The following SYMPK variants were observed in gnomAD, a reference collection of about 807,000 sequenced individuals.
SYMPK encodes symplekin scaffold protein, also known as symplekin.
Under a neutral mutation model 136.4 loss-of-function variants are expected in SYMPK, and 49 were observed. The observed-to-expected ratio is 0.36, with a 90% CI of 0.29 to 0.46. SYMPK has a LOEUF of 0.46. Among genes scored for constraint, SYMPK ranks in the 20% least tolerant of loss-of-function variants. The probability of loss-of-function intolerance (pLI) is 1.00; values close to 1 mark genes in which losing one functional copy is unlikely to be tolerated. For missense variants in SYMPK, 1,365 were observed against 1,690.0 expected (o/e 0.81, Z 3.37); for synonymous variants, 766 against 713.0 (o/e 1.07, Z -1.19).
Position 45,816,116 on chromosome 19 carries a change from A to G in SYMPK, c.3422T>C (p.Leu1141Pro). The change falls in exon 26 of 27, where the codon CTG becomes CCG. Residue 1141 changes from leucine to proline, a missense_variant. Transcript: ENST00000245934. ...TAAGGCCTTCTCCTGGGCCAGTCGC[A>G]GGCCGATGAGGTCCTGAGGGGGCCG... ...APRPPQDLIG[L>P]RLAQEKALKR... is the part of the protein sequence containing the mutation. The G allele has an allele frequency of 3.2e-6, 5 of 1,554,878 alleles. No individual in the cohort carries two copies. Among genetic ancestry groups the G allele is most frequent in the Non-Finnish European group, 4.4e-6 (5 of 1,148,934 alleles).
At chr19:45,839,665 C>T (rs1036632558) in intron 9 of SYMPK, among the ~76,000 whole-genome samples, 1 of 151,898 alleles carries the variant, frequency 6.6e-6, no homozygotes, top group African/African-American at 2.4e-5. Context: ...CCCGTCTCTA[C>T]TAAAAAAAAT....
At chr19:45,826,914 A>G (rs1329186417) in intron 16 of SYMPK, among the ~76,000 whole-genome samples, 3 of 152,278 alleles carry the variant, frequency 2.0e-5, no homozygotes, top group African/African-American at 7.2e-5. Context: ...GGCGCTCTCA[A>G]CCACAGCACG....
rs749959995 is a variant in SYMPK at position 45,830,191 on chromosome 19, C to T, written c.1612G>A (p.Gly538Ser). 3 of 1,609,950 alleles carry T rather than the reference C, an allele frequency of 1.9e-6. No individual in the cohort carries two copies. The highest frequency in any genetic ancestry group is 2.5e-6 in the Non-Finnish European group (3 of 1,177,956). ...PVTQPRLAGA[G>S]GRKKIFRLSD... ...AGACGGAAAATTTTCTTGCGCCCACCAGCGCCTGCCAGCCTGTGTGGAAGA... is the reference window on the plus strand; with the variant it reads ...AGACGGAAAATTTTCTTGCGCCCACTAGCGCCTGCCAGCCTGTGTGGAAGA... The change falls in exon 13 of 27, where the codon GGT becomes AGT. Residue 538 changes from glycine (G) to serine (S), a missense_variant. Transcript: ENST00000245934.
intron 1 of SYMPK, among the ~76,000 whole-genome samples, chr19:45,861,335 T>C (rs918294274): frequency 6.6e-6 from 1 of 152,196 alleles, no homozygotes; most frequent in Non-Finnish European, 1.5e-5. Flanking sequence ...TGTTCTTTTT[T>C]AAACACACAT....
At position 45,844,209 on chromosome 19, in the gene SYMPK, CAG is replaced by C. The variant is rs755042415; in HGVS notation, c.677-11_677-10del. 1.7e-5 allele frequency: 26 copies of C among 1,570,274 alleles called. No homozygotes were observed. In the South Asian group the frequency reaches 1.9e-4, roughly 12 times the overall value. On this transcript the variant is annotated splice_polypyrimidine_tract_variant and intron_variant, in intron 7 of 26. Coordinates refer to ENST00000245934, the MANE Select transcript of SYMPK (RefSeq NM_004819.3). ...CTCTTCCCATAGCACGTCTAAGAGA[CAG>C]AGAGGAGAACCAGTCAGTGGGATCC...
At position 45,821,402 on chromosome 19, in the gene SYMPK, T is replaced by C. The variant is rs752528127; in HGVS notation, c.2875A>G (p.Met959Val). ...LHNIDSVKCD[M>V]KSIIKATNLC... ...GCCTCACCTTTGATGATGGATTTCA[T>C]GTCGCACTTCACGGAGTCAATGTTG... Residue 959 changes from methionine (M) to valine (V), a missense_variant, in exon 22 of 27, where the codon ATG (methionine) becomes GTG (valine). By Grantham distance (21) the Met-to-Val change is conservative. Around this residue, in one of 11 missense-constraint regions of SYMPK, gnomAD observed 156 missense variants for 217.8 expected, o/e 0.72. Transcript: ENST00000245934. This position sits in a 1 kb window ranked among gnomAD's most constrained non-coding sequence, Gnocchi z 4.4. The C allele has an allele frequency of 3.1e-6, 5 of 1,613,992 alleles. No homozygotes were observed. Among genetic ancestry groups the C allele is most frequent in the Non-Finnish European group, 4.2e-6 (5 of 1,179,942 alleles).
At chr19:45,817,536 G>C (rs534956161) in intron 23 of SYMPK, among the ~76,000 whole-genome samples, 1 of 149,268 alleles carries the variant, frequency 6.7e-6, no homozygotes, top group African/African-American at 2.5e-5. Context: ...GGCTCAAGCA[G>C]TCCTCCTGTC....
chr19:45,854,622 TC>T, intron 1 of SYMPK, 115 bp from the exon 2 acceptor site: 1 of 805,432 alleles, frequency 1.2e-6, no homozygotes, highest in Non-Finnish European at 2.0e-6. Flanking sequence ...AGGCTGTTCC[TC>T]CCCAGTCAGG....
intron 9 of SYMPK, among the ~76,000 whole-genome samples, chr19:45,839,025 T>C (rs925450604): frequency 6.6e-6 from 1 of 152,218 alleles, no homozygotes. Flanking sequence ...TAACTGGGAT[T>C]ATAGGCATGC....
intron 10 of SYMPK, among the ~76,000 whole-genome samples, chr19:45,836,040 A>G (rs1449852767): frequency 4.6e-5 from 7 of 152,204 alleles, no homozygotes; most frequent in African/African-American, 1.7e-4. Context: ...GAGAACATCC[A>G]TGGATGTCAG....
chr19:45,823,369 T>C lies in SYMPK; in HGVS notation c.2700+3A>G. The C allele has an allele frequency of 1.2e-6, 2 of 1,613,730 alleles. No homozygotes were observed. The highest frequency in any genetic ancestry group is 1.7e-6 in the Non-Finnish European group (2 of 1,179,884). Reference sequence around the variant, plus strand: ...AGGGACAAACAGGCCTCCAGCTCCATACCTTCTCCAGCCCATTGAGCACCG... The same window carrying C: ...AGGGACAAACAGGCCTCCAGCTCCACACCTTCTCCAGCCCATTGAGCACCG... On this transcript the variant is annotated splice_donor_region_variant and intron_variant, in intron 20 of 26. Coordinates refer to ENST00000245934, the MANE Select transcript of SYMPK (RefSeq NM_004819.3).
rs2146307337 is a variant in SYMPK, at chr19:45,825,284, G to A, written c.2377C>T (p.Leu793Phe). ...TTCTGAGGCAGGAGGGCCAGGTAGA[G>A]GTACAGACACTGCTTCACTGTCTCC... ...TEETVKQCLY[L>F]YLALLPQNHK... The change falls in exon 18 of 27, where the codon CTC (leucine) becomes TTC (phenylalanine). Residue 793 changes from leucine to phenylalanine, a missense_variant. Around this residue, in one of 11 missense-constraint regions of SYMPK, gnomAD observed 92 missense variants for 198.6 expected, o/e 0.46. Transcript: ENST00000245934. 2 of 1,614,192 alleles carry A rather than the reference G, an allele frequency of 1.2e-6. No homozygotes were observed. Among genetic ancestry groups the A allele is most frequent in the East Asian group, 2.2e-5 (1 of 44,882 alleles).
At chr19:45,834,387 A>C (rs577217699) in intron 11 of SYMPK, among the ~76,000 whole-genome samples, 1 of 152,010 alleles carries the variant, frequency 6.6e-6, no homozygotes, top group South Asian at 2.1e-4. Flanking sequence ...TGAACTTGGG[A>C]GGCAGAGGTT....
chr19:45,860,242 G>C (rs1471792006), intron 1 of SYMPK, among the ~76,000 whole-genome samples: 1 of 151,980 alleles, frequency 6.6e-6, no homozygotes, highest in South Asian at 2.1e-4. Context: ...GATCACCCGA[G>C]GTTAGCAGTT....
At chr19:45,840,844 A>G (rs78230086) in intron 9 of SYMPK, among the ~76,000 whole-genome samples, 21,689 of 152,028 alleles carry the variant, frequency 0.14, 1,631 homozygotes, top group South Asian at 0.18. Context: ...CTGTCTCAAA[A>G]AAAAAAGGAT....
chr19:45,831,609 A>C (rs1461888685), intron 11 of SYMPK, 21 bp from the exon 12 acceptor site: 1 of 1,558,890 alleles, frequency 6.4e-7, no homozygotes, highest in Non-Finnish European at 8.7e-7. Context: ...GGCAGCAAAC[A>C]GACACCCAGT....
chr19:45,839,389 G>GT (rs1191880678), intron 9 of SYMPK, among the ~76,000 whole-genome samples: 36 of 152,320 alleles, frequency 2.4e-4, no homozygotes, highest in African/African-American at 7.9e-4. Context: ...TGTCATGCTA[G>GT]TAAGTAAGTG....
chr19:45,850,403 A>G (rs1220520593), intron 5 of SYMPK, among the ~76,000 whole-genome samples: 2 of 152,246 alleles, frequency 1.3e-5, no homozygotes, highest in Non-Finnish European at 1.5e-5. Context: ...CAAGCATTTA[A>G]TACAGTGCCT....
intron 1 of SYMPK, among the ~76,000 whole-genome samples, chr19:45,861,389 G>GA (rs942972066): frequency 4.0e-5 from 6 of 151,146 alleles, no homozygotes; most frequent in East Asian, 3.9e-4. Context: ...GCAAAAAAAG[G>GA]AAAAAAAATG....
Sources: allele counts gnomAD v4.1 joint callset (sites outside exome capture counted in the v4.1 genomes callset), GRCh38; gene constraint gnomAD v4.1.1; regional missense constraint gnomAD v4.1.1; non-coding constraint Gnocchi (gnomAD v3.1); transcripts MANE v1.5; gene names NCBI Gene and HGNC (gene_info 2026-07-23, HGNC 2026-07-21).